Variants in SUGCT observed in about 807,000 individuals in gnomAD.
SUGCT encodes succinyl-CoA:glutarate CoA-transferase.
SUGCT carries 41 observed loss-of-function variants against 55.0 expected under a neutral mutation model. That is an observed-to-expected ratio of 0.74 (90% confidence interval 0.58 to 0.97). SUGCT has a LOEUF of 0.97. Among genes scored for constraint, SUGCT ranks in the 50% least tolerant of loss-of-function variants. The pLI is 0.00. For missense variants in SUGCT, 568 were observed against 547.8 expected (o/e 1.04, Z -0.37); for synonymous variants, 187 against 200.4 (o/e 0.93, Z 0.56).
intron 9 of SUGCT, among the ~76,000 whole-genome samples, chr7:40,443,825 A>G (rs1182945080): frequency 1.3e-5 from 2 of 152,216 alleles, no homozygotes; most frequent in Middle Eastern, 3.4e-3. Context: ...GGTATTGCCT[A>G]TGTTTTCTTC....
intron 13 of SUGCT, among the ~76,000 whole-genome samples, chr7:40,790,930 A>G (rs1790278935): frequency 6.6e-6 from 1 of 152,182 alleles, no homozygotes; most frequent in Non-Finnish European, 1.5e-5. Flanking sequence ...GATTGAAAGG[A>G]TTTATAAAAT....
At chr7:40,190,875 A>G (rs1245202721) in intron 5 of SUGCT, among the ~76,000 whole-genome samples, 1 of 152,170 alleles carries the variant, frequency 6.6e-6, no homozygotes, top group African/African-American at 2.4e-5. Context: ...GTCAGGGTAC[A>G]TGGGTTTTGC....
At chr7:40,910,108 T>A in the SUGCT span, among the ~76,000 whole-genome samples, 1 of 151,746 alleles carries the variant, frequency 6.6e-6, no homozygotes, top group Non-Finnish European at 1.5e-5. Context: ...CTTTTTTTTT[T>A]CCTTCTTGGT....
intron 12 of SUGCT, among the ~76,000 whole-genome samples, chr7:40,731,883 G>T (rs186101192): frequency 6.6e-6 from 1 of 152,262 alleles, no homozygotes; most frequent in East Asian, 1.9e-4. Context: ...TATGTAGCAA[G>T]TCAGTCTCTT....
chr7:40,878,099 T>C, the SUGCT span, among the ~76,000 whole-genome samples: 1 of 152,206 alleles, frequency 6.6e-6, no homozygotes, highest in Non-Finnish European at 1.5e-5. Flanking sequence ...CTTCTTTTTT[T>C]AAAACCAGGG....
chr7:40,468,524 C>T (rs1790242997), intron 11 of SUGCT, among the ~76,000 whole-genome samples: 2 of 152,060 alleles, frequency 1.3e-5, no homozygotes, highest in Admixed American at 1.3e-4. Context: ...TTATGTAGTA[C>T]AGTCTTAATT....
At chr7:40,767,864 A>G (rs12534713) in intron 13 of SUGCT, among the ~76,000 whole-genome samples, 2,048 of 152,340 alleles carry the variant, frequency 0.013, 143 homozygotes, top group East Asian at 0.091. Flanking sequence ...ACGAGATGGA[A>G]TCATTGATTT....
chr7:40,742,454 G>C (rs760818250), intron 12 of SUGCT, among the ~76,000 whole-genome samples: 1 of 152,008 alleles, frequency 6.6e-6, no homozygotes, highest in Non-Finnish European at 1.5e-5. Context: ...TTTATCATTA[G>C]ATTCTCATAA....
chr7:40,468,097 C>T (rs919398950), intron 11 of SUGCT, among the ~76,000 whole-genome samples: 1 of 151,638 alleles, frequency 6.6e-6, no homozygotes, highest in African/African-American at 2.4e-5. Flanking sequence ...TTATTTCTTG[C>T]ACTTGTGTCT....
At chr7:40,886,865 T>C in the SUGCT span, among the ~76,000 whole-genome samples, 7,662 of 152,288 alleles carry the variant, frequency 0.05, 224 homozygotes, top group East Asian at 0.16. Context: ...AAAAGTCTAT[T>C]TATATGAGAA....
chr7:40,503,177 T>A (rs1475362920), intron 12 of SUGCT, among the ~76,000 whole-genome samples: 1 of 152,088 alleles, frequency 6.6e-6, no homozygotes, highest in Non-Finnish European at 1.5e-5. Context: ...ATATTAACCT[T>A]GATTGAGAGA....
At chr7:40,208,502 A>G (rs1787130206) in intron 6 of SUGCT, among the ~76,000 whole-genome samples, 2 of 152,148 alleles carry the variant, frequency 1.3e-5, no homozygotes, top group Non-Finnish European at 2.9e-5. Context: ...ACAAATAAAT[A>G]TTTGACAACT....
At chr7:40,398,369 G>T (rs1208597035) in intron 9 of SUGCT, among the ~76,000 whole-genome samples, 1 of 152,162 alleles carries the variant, frequency 6.6e-6, no homozygotes, top group Non-Finnish European at 1.5e-5. Context: ...TGGGATTACA[G>T]GTGTGAGCCA....
At chr7:41,003,893 A>T in the SUGCT span, among the ~76,000 whole-genome samples, 2 of 152,174 alleles carry the variant, frequency 1.3e-5, no homozygotes, top group African/African-American at 4.8e-5. Context: ...ATGCGATTGA[A>T]ATCTCTTGCC....
intron 12 of SUGCT, among the ~76,000 whole-genome samples, chr7:40,527,808 A>G (rs1793883435): frequency 6.6e-6 from 1 of 152,226 alleles, no homozygotes; most frequent in Non-Finnish European, 1.5e-5. Context: ...CCCAATGATC[A>G]GGTCATTAGA....
chr7:40,346,029 T>G (rs1797287327), intron 9 of SUGCT, among the ~76,000 whole-genome samples: 1 of 151,996 alleles, frequency 6.6e-6, no homozygotes, highest in Non-Finnish European at 1.5e-5. Flanking sequence ...CACCAAAGAC[T>G]TAAACTCTGG....
At chr7:40,431,117 CA>C (rs869159761) in intron 9 of SUGCT, among the ~76,000 whole-genome samples, 15,288 of 86,982 alleles carry the variant, frequency 0.18, 971 homozygotes, top group East Asian at 0.48. Context: ...GACTTCGTCT[CA>C]AAAAAAAAAA....
the SUGCT span, among the ~76,000 whole-genome samples, chr7:40,950,342 TAAG>T: frequency 6.6e-6 from 1 of 152,204 alleles, no homozygotes; most frequent in Admixed American, 6.5e-5. Context: ...CTTATCAGCT[TAAG>T]GAGATTTTGG....
intron 13 of SUGCT, among the ~76,000 whole-genome samples, chr7:40,832,259 A>G (rs13246232): frequency 0.33 from 50,300 of 151,958 alleles, 8,819 homozygotes; most frequent in East Asian, 0.53. Flanking sequence ...TCTAGGCAAC[A>G]TGAAACCTCT....
Sources: allele counts gnomAD v4.1 joint callset (sites outside exome capture counted in the v4.1 genomes callset), GRCh38; gene constraint gnomAD v4.1.1; transcripts MANE v1.5; gene names NCBI Gene and HGNC (gene_info 2026-07-23, HGNC 2026-07-21).